Variants in CDH12 observed in about 807,000 individuals in gnomAD.
CDH12 encodes cadherin 12, also known as cadherin-12.
In CDH12, 41 loss-of-function variants were observed where a neutral mutation model predicts 74.1. That is an observed-to-expected ratio of 0.55 (90% CI 0.43 to 0.72). The LOEUF (loss-of-function observed/expected upper bound fraction) is 0.72. Among genes scored for constraint, CDH12 ranks in the 30% least tolerant of loss-of-function variants. The probability of loss-of-function intolerance (pLI) is 0.00; values close to 1 mark genes in which losing one functional copy is unlikely to be tolerated. For synonymous variants in CDH12, 399 were observed against 355.0 expected (o/e 1.12, Z -1.39); for missense variants, 945 against 977.2 (o/e 0.97, Z 0.44).
rs75340479 is a variant in CDH12, at chr5:22,759,793, G to A, written c.-523+93265C>T. On this transcript the variant is annotated intron_variant, in intron 1 of 14. Coordinates refer to ENST00000382254, the MANE Select transcript of CDH12 (RefSeq NM_004061.5). ...TATACAGAGACATTTATTTTAAGAA[G>A]TTGGCTCATGCAGTTGTGGATGCTG... 3.5e-3 allele frequency among the ~76,000 whole-genome samples: 536 copies of A among 152,284 alleles called. 2 individuals are homozygous for A. The highest frequency in any genetic ancestry group is 0.012 in the African/African-American group (512 of 41,542).
At chr5:22,455,433 G>C (rs531125627) in intron 2 of CDH12, among the ~76,000 whole-genome samples, 1 of 152,266 alleles carries the variant, frequency 6.6e-6, no homozygotes, top group East Asian at 1.9e-4. Flanking sequence ...AAAGTTGTTA[G>C]AAATGAATAT....
intron 2 of CDH12, among the ~76,000 whole-genome samples, chr5:22,502,106 A>G (rs2126657606): frequency 6.6e-6 from 1 of 152,208 alleles, no homozygotes; most frequent in Admixed American, 6.6e-5. Context: ...TTGATAGTTG[A>G]TATGGTTTGG....
intron 3 of CDH12, among the ~76,000 whole-genome samples, chr5:22,358,095 C>T (rs976820031): frequency 1.2e-4 from 18 of 152,066 alleles, no homozygotes; most frequent in Admixed American, 1.0e-3. Context: ...CTGCTTTCAT[C>T]GATGACATTT....
At chr5:22,554,285 G>A (rs2126738491) in intron 1 of CDH12, among the ~76,000 whole-genome samples, 1 of 152,214 alleles carries the variant, frequency 6.6e-6, no homozygotes, top group Admixed American at 6.5e-5. Context: ...TACCAAGAGT[G>A]AACCCTAATG....
chr5:22,847,470 C>T (rs1004754703), intron 1 of CDH12, among the ~76,000 whole-genome samples: 5 of 152,130 alleles, frequency 3.3e-5, no homozygotes, highest in Non-Finnish European at 5.9e-5. Context: ...ACTCAGAAAT[C>T]GTCTTAAATA....
chr5:22,639,033 AGAGT>A (rs1187636742), intron 1 of CDH12: 1 of 123,192 alleles, frequency 8.1e-6, no homozygotes, highest in Admixed American at 1.2e-4. Flanking sequence ...CGTGGGCGTC[AGAGT>A]GAGAGTCCGC....
intron 4 of CDH12, among the ~76,000 whole-genome samples, chr5:22,206,946 G>T (rs1751255584): frequency 6.6e-6 from 1 of 150,912 alleles, no homozygotes; most frequent in African/African-American, 2.4e-5. Flanking sequence ...CGGCGTATTG[G>T]CTCACACCTG....
chr5:21,890,979 C>T (rs1037929566), intron 6 of CDH12, among the ~76,000 whole-genome samples: 1 of 151,978 alleles, frequency 6.6e-6, no homozygotes, highest in Non-Finnish European at 1.5e-5. Context: ...AGTATATAAA[C>T]CCCATTACGT....
intron 9 of CDH12, among the ~76,000 whole-genome samples, chr5:21,809,148 G>T (rs1183229847): frequency 6.6e-6 from 1 of 151,886 alleles, no homozygotes; most frequent in Non-Finnish European, 1.5e-5. Context: ...TTAGTGTTTT[G>T]CAACTCTGCA....
intron 3 of CDH12, among the ~76,000 whole-genome samples, chr5:22,386,419 A>AAG (rs1742005050): frequency 6.6e-6 from 1 of 152,166 alleles, no homozygotes; most frequent in Non-Finnish European, 1.5e-5. Context: ...TTCTACTAAG[A>AAG]CATCCTGGTG....
chr5:22,198,253 A>T (rs1750730875), intron 4 of CDH12, among the ~76,000 whole-genome samples: 1 of 151,934 alleles, frequency 6.6e-6, no homozygotes, highest in South Asian at 2.1e-4. Context: ...AAACGTACTG[A>T]TAGTGTTGGC....
At chr5:21,875,969 C>T (rs1298058108) in intron 6 of CDH12, among the ~76,000 whole-genome samples, 2 of 146,138 alleles carry the variant, frequency 1.4e-5, no homozygotes, top group Non-Finnish European at 3.0e-5. Context: ...GATCTCGGTT[C>T]ACCACAACCT....
intron 5 of CDH12, among the ~76,000 whole-genome samples, chr5:21,979,896 CCCA>C (rs1421246047): frequency 3.3e-5 from 5 of 151,782 alleles, no homozygotes; most frequent in African/African-American, 4.8e-5. Flanking sequence ...AGTTTACAGT[CCCA>C]CCAACAGTGT....
chr5:22,775,633 T>C (rs938926022), intron 1 of CDH12, among the ~76,000 whole-genome samples: 1 of 152,030 alleles, frequency 6.6e-6, no homozygotes, highest in African/African-American at 2.4e-5. Flanking sequence ...TTAACAACAT[T>C]GTGTAGACTG....
At chr5:22,207,605 G>C (rs190645896) in intron 4 of CDH12, among the ~76,000 whole-genome samples, 1 of 152,144 alleles carries the variant, frequency 6.6e-6, no homozygotes, top group Non-Finnish European at 1.5e-5. Context: ...TTCAATGTAC[G>C]TAAGAAAGAG....
chr5:22,838,348 C>A lies in CDH12; in HGVS notation c.-523+14710G>T, dbSNP rs181412268. ...TTGCCAACTTTGACTGGTTCACCTG[C>A]ACCCGTGCTTCAGGCAGCAAAGAGA... On this transcript the variant is annotated intron_variant, in intron 1 of 14. Transcript: ENST00000382254. Among the ~76,000 whole-genome samples the A allele has an allele frequency of 6.8e-4, 103 of 152,250 alleles. 1 individual carries two copies. Among genetic ancestry groups the A allele is most frequent in the African/African-American group, 2.4e-3 (101 of 41,554 alleles).
chr5:22,036,687 C>A (rs140606823), intron 5 of CDH12, among the ~76,000 whole-genome samples: 91 of 152,238 alleles, frequency 6.0e-4, no homozygotes, highest in Non-Finnish European at 9.8e-4. Flanking sequence ...TCTTTGTCAT[C>A]TGGAAATAGA....
intron 1 of CDH12, among the ~76,000 whole-genome samples, chr5:22,714,253 C>T (rs1743447853): frequency 6.6e-6 from 1 of 152,100 alleles, no homozygotes. Flanking sequence ...TCAGTTAACC[C>T]GTGACGTCTG....
At chr5:22,425,406 C>T (rs896730579) in intron 2 of CDH12, among the ~76,000 whole-genome samples, 2 of 151,076 alleles carry the variant, frequency 1.3e-5, no homozygotes, top group South Asian at 2.1e-4. Flanking sequence ...TTTACCCTGT[C>T]GTACTGAAAT....
Sources: allele counts gnomAD v4.1 joint callset (sites outside exome capture counted in the v4.1 genomes callset), GRCh38; gene constraint gnomAD v4.1.1; transcripts MANE v1.5; gene names NCBI Gene and HGNC (gene_info 2026-07-23, HGNC 2026-07-21).